Variants in NEGR1 observed in about 807,000 individuals in gnomAD.
The protein encoded by NEGR1 is neuronal growth regulator 1, also known as IgLON family member 4.
Under a neutral mutation model 40.9 loss-of-function variants are expected in NEGR1, and 10 were observed. That is an observed-to-expected ratio of 0.24 (90% CI 0.15 to 0.42). NEGR1 has a LOEUF of 0.42. Ranked by LOEUF, NEGR1 falls within the 10% of genes least tolerant of loss-of-function variation. The probability of loss-of-function intolerance (pLI) is 1.00; values close to 1 mark genes in which losing one functional copy is unlikely to be tolerated. For missense variants in NEGR1, 352 were observed against 438.9 expected (o/e 0.80, Z 1.77); for synonymous variants, 185 against 166.8 (o/e 1.11, Z -0.84).
intron 6 of NEGR1, among the ~76,000 whole-genome samples, chr1:71,455,406 T>G (rs981057995): frequency 6.6e-6 from 1 of 152,176 alleles, no homozygotes; most frequent in African/African-American, 2.4e-5. Context: ...TCCTGTAAGC[T>G]TTAAGCAAAG....
At chr1:71,815,692 C>T (rs1658178902) in intron 2 of NEGR1, among the ~76,000 whole-genome samples, 1 of 151,948 alleles carries the variant, frequency 6.6e-6, no homozygotes, top group Non-Finnish European at 1.5e-5. Flanking sequence ...TACTATATAA[C>T]ATTGACTGCC....
At chr1:71,748,905 A>C (rs1055874531) in intron 3 of NEGR1, among the ~76,000 whole-genome samples, 4 of 152,170 alleles carry the variant, frequency 2.6e-5, no homozygotes, top group Non-Finnish European at 4.4e-5. Flanking sequence ...TATCAAAGAA[A>C]ATTATCTGAA....
chr1:72,035,932 T>C (rs1395718265), intron 1 of NEGR1, among the ~76,000 whole-genome samples: 1 of 152,208 alleles, frequency 6.6e-6, no homozygotes, highest in Non-Finnish European at 1.5e-5. Context: ...AGGAGAGTTC[T>C]TCCCATATCT....
At chr1:71,994,153 T>C (rs770183466) in intron 1 of NEGR1, among the ~76,000 whole-genome samples, 4 of 152,224 alleles carry the variant, frequency 2.6e-5, no homozygotes, top group Non-Finnish European at 5.9e-5. Context: ...GGCAGCCTTC[T>C]GATTTGCTAT....
intron 6 of NEGR1, among the ~76,000 whole-genome samples, chr1:71,583,881 G>A (rs1167098514): frequency 6.6e-6 from 1 of 152,100 alleles, no homozygotes; most frequent in African/African-American, 2.4e-5. Flanking sequence ...TGCACTAATT[G>A]GATTGACTCA....
intron 3 of NEGR1, among the ~76,000 whole-genome samples, chr1:71,766,388 A>G (rs1286027936): frequency 6.6e-6 from 1 of 152,212 alleles, no homozygotes; most frequent in Non-Finnish European, 1.5e-5. Context: ...CTTAATGCCT[A>G]TGATAATTAA....
chr1:71,583,423 A>T (rs1179833420), intron 6 of NEGR1, among the ~76,000 whole-genome samples: 1 of 152,206 alleles, frequency 6.6e-6, no homozygotes, highest in Non-Finnish European at 1.5e-5. Flanking sequence ...GGTGTAAGAA[A>T]GGATGTCAAA....
At chr1:72,058,751 T>G (rs1401078198) in intron 1 of NEGR1, among the ~76,000 whole-genome samples, 1 of 151,728 alleles carries the variant, frequency 6.6e-6, no homozygotes, top group African/African-American at 2.4e-5. Context: ...ATATGCATTT[T>G]AAATTACACA....
At chr1:71,938,350 T>C (rs948755021) in intron 1 of NEGR1, among the ~76,000 whole-genome samples, 3 of 150,892 alleles carry the variant, frequency 2.0e-5, no homozygotes, top group Admixed American at 6.6e-5. Context: ...CTACATAGAC[T>C]ATGTGAATAG....
chr1:71,830,988 T>C (rs76876174), intron 2 of NEGR1, among the ~76,000 whole-genome samples: 2 of 151,952 alleles, frequency 1.3e-5, no homozygotes, highest in Non-Finnish European at 2.9e-5. Context: ...TCTTGGAATA[T>C]GTTAAACTGT....
intron 1 of NEGR1, among the ~76,000 whole-genome samples, chr1:72,018,719 T>TC (rs1396156411): frequency 5.3e-5 from 8 of 152,056 alleles, no homozygotes; most frequent in African/African-American, 1.9e-4. Flanking sequence ...GGGCAAGCAT[T>TC]CCAGCAGCAG....
chr1:71,584,956 T>C (rs1311758669), intron 6 of NEGR1, among the ~76,000 whole-genome samples: 1 of 152,130 alleles, frequency 6.6e-6, no homozygotes, highest in Non-Finnish European at 1.5e-5. Flanking sequence ...CTAGTGCCTT[T>C]TTCATAGGTT....
chr1:71,679,894 T>C (rs1652774184), intron 4 of NEGR1, among the ~76,000 whole-genome samples: 1 of 152,102 alleles, frequency 6.6e-6, no homozygotes, highest in African/African-American at 2.4e-5. Flanking sequence ...TGTTGTTTTA[T>C]TAATTTTTTT....
At chr1:72,063,087 G>GA (rs201087741) in intron 1 of NEGR1, among the ~76,000 whole-genome samples, 3,745 of 151,278 alleles carry the variant, frequency 0.025, 147 homozygotes, top group African/African-American at 0.085. Flanking sequence ...TATTTATTTT[G>GA]AAAAAAAATC....
intron 1 of NEGR1, among the ~76,000 whole-genome samples, chr1:72,011,433 C>G (rs913730584): frequency 6.6e-6 from 1 of 152,084 alleles, no homozygotes; most frequent in African/African-American, 2.4e-5. Flanking sequence ...ATCAAACACT[C>G]TTAGATATTA....
At chr1:71,919,949 C>A (rs1570503140) in intron 2 of NEGR1, among the ~76,000 whole-genome samples, 1 of 152,182 alleles carries the variant, frequency 6.6e-6, no homozygotes, top group East Asian at 1.9e-4. Context: ...GCTTCTTAAT[C>A]TGGGGAAGCT....
intron 1 of NEGR1, among the ~76,000 whole-genome samples, chr1:72,136,694 C>T (rs1214034501): frequency 6.8e-6 from 1 of 147,292 alleles, no homozygotes; most frequent in Non-Finnish European, 1.5e-5. Context: ...TGGGCAAAGA[C>T]TTCATGACTA....
chr1:71,917,779 T>TA lies in NEGR1; in HGVS notation c.409+17299dup, dbSNP rs79120253. ...TGGGCGACAGAGCGAGACTCCGTCT[T>TA]AAAAAAAAAAAAAAAAAAAGTAAGT... On this transcript the variant is annotated intron_variant, in intron 2 of 6. Transcript: ENST00000357731. 2.7e-3 allele frequency among the ~76,000 whole-genome samples: 323 copies of TA among 120,430 alleles called. 3 individuals carry two copies. Among genetic ancestry groups the TA allele is most frequent in the East Asian group, 0.012 (50 of 4,154 alleles). The allele number at this position is 120,430 out of a possible 152,430, so 79.0% of individuals were successfully genotyped here. A position where few individuals can be genotyped will look rare whatever the true frequency, so the allele number is the denominator to read the frequency against.
intron 1 of NEGR1, among the ~76,000 whole-genome samples, chr1:71,982,465 C>A (rs1200416561): frequency 6.6e-6 from 1 of 152,174 alleles, no homozygotes; most frequent in Non-Finnish European, 1.5e-5. Flanking sequence ...TTTGTCAACA[C>A]TCTTTTCATA....
Sources: gnomAD v4.1 joint callset for allele counts (sites outside exome capture counted in the v4.1 genomes callset) on GRCh38, gnomAD v4.1.1 for gene constraint, MANE v1.5 for transcripts, NCBI Gene and HGNC (gene_info 2026-07-23, HGNC 2026-07-21) for gene names.